Variants in CAMK1G observed in about 807,000 individuals in gnomAD.
CAMK1G encodes the protein calcium/calmodulin dependent protein kinase IG.
In CAMK1G, 27 loss-of-function variants were observed where a neutral mutation model predicts 54.8. That is an observed-to-expected ratio of 0.49 (90% CI 0.36 to 0.68). CAMK1G has a LOEUF of 0.68. CAMK1G is among the 30% of genes least tolerant of loss of function. The pLI is 0.00. For synonymous variants in CAMK1G, 238 were observed against 224.9 expected (o/e 1.06, Z -0.52); for missense variants, 512 against 591.0 (o/e 0.87, Z 1.39).
At chr1:209,603,777 G>A (rs906060690) in intron 4 of CAMK1G, among the ~76,000 whole-genome samples, 2 of 152,210 alleles carry the variant, frequency 1.3e-5, no homozygotes, top group Admixed American at 6.5e-5. Flanking sequence ...ATTACTGTAG[G>A]AGCAGAAGCC....
Position 209,609,051 on chromosome 1 carries a change from A to G in CAMK1G, c.707A>G (p.Tyr236Cys). Residue 236 changes from tyrosine (Y) to cysteine (C), a missense_variant, in exon 8 of 13, where the codon TAT (tyrosine) becomes TGT (cysteine). Coordinates refer to ENST00000361322, the MANE Select transcript of CAMK1G (RefSeq NM_020439.3). ...TTCGAGAAGATCAAGGAGGGCTACT[A>G]TGAGTTTGAGTCTCCATTCTGGGAT... ...KLFEKIKEGY[Y>C]EFESPFWDDI... 3 of 1,614,174 alleles carry G rather than the reference A, an allele frequency of 1.9e-6. No homozygotes were observed. Among genetic ancestry groups the G allele is most frequent in the Non-Finnish European group, 2.5e-6 (3 of 1,180,018 alleles).
intron 6 of CAMK1G, among the ~76,000 whole-genome samples, chr1:209,607,508 C>A (rs1461736380): frequency 1.3e-5 from 2 of 152,170 alleles, no homozygotes; most frequent in Non-Finnish European, 2.9e-5. Flanking sequence ...AGAGATCACA[C>A]TTGCCCTGGG....
chr1:209,585,463 AGC>A (rs1343631602), intron 1 of CAMK1G, among the ~76,000 whole-genome samples: 1 of 152,222 alleles, frequency 6.6e-6, no homozygotes, highest in Non-Finnish European at 1.5e-5. Flanking sequence ...CGAGAAGACT[AGC>A]GTTGGAATCC....
chr1:209,590,310 C>T (rs938844429), intron 1 of CAMK1G, among the ~76,000 whole-genome samples: 1 of 152,144 alleles, frequency 6.6e-6, no homozygotes, highest in Admixed American at 6.5e-5. Context: ...CAGACCTCCA[C>T]CACACAGGGC....
intron 3 of CAMK1G, among the ~76,000 whole-genome samples, chr1:209,600,621 A>G (rs1381698994): frequency 2.6e-5 from 4 of 152,248 alleles, no homozygotes; most frequent in Admixed American, 2.0e-4. Context: ...TCAGAACCAC[A>G]AGGATGAGGC....
rs775482310 is a variant in CAMK1G at position 209,612,215 on chromosome 1, C to G, written c.1339C>G (p.Gln447Glu). The change falls in exon 11 of 13, where the codon CAG (glutamine) becomes GAG (glutamate). Residue 447 changes from glutamine (Q) to glutamate (E), a missense_variant and splice_region_variant. Physicochemically the swap from Gln to Glu is conservative, Grantham distance 29. Coordinates refer to ENST00000361322, the MANE Select transcript of CAMK1G (RefSeq NM_020439.3). ...PTLLKKANKK[Q>E]NFKSEVMVPV... ...ACTCCTCAAAAAGGCCAACAAAAAA[C>G]AGTACGTATTTTTAGCCAAAGATGG... 6.2e-7 allele frequency: 1 copy of G among 1,612,476 alleles called. No individual in the cohort carries two copies. The highest frequency in any genetic ancestry group is 1.3e-5 in the African/African-American group (1 of 74,916).
intron 11 of CAMK1G, 85 bp downstream of exon 11, chr1:209,612,301 C>T: frequency 1.4e-6 from 2 of 1,426,572 alleles, no homozygotes; most frequent in East Asian, 2.4e-5. Context: ...GACACAAAGG[C>T]CTCTCCCACT....
chr1:209,603,082 G>C lies in CAMK1G; in HGVS notation c.222-132G>C, dbSNP rs1190349272. ...TTGTGACAGTCTACTTATTATGAAG[G>C]CTTCACAGAGACCTAGTCTTCCTAA... On this transcript the variant is annotated intron_variant, in intron 3 of 12. Transcript: ENST00000361322. The C allele has an allele frequency of 3.4e-5, 25 of 742,886 alleles. No individual in the cohort carries two copies. In the East Asian group the frequency reaches 5.8e-4, roughly 17 times the overall value. 46.0% of individuals were successfully genotyped at this position (742,886 alleles called of 1,614,324 possible).
At chr1:209,594,090 C>T (rs772136956) in intron 1 of CAMK1G, among the ~76,000 whole-genome samples, 24 of 152,156 alleles carry the variant, frequency 1.6e-4, no homozygotes, top group Non-Finnish European at 3.2e-4. Flanking sequence ...TGGCTCCTTC[C>T]CAAACTTTGG....
At position 209,603,232 on chromosome 1, in the gene CAMK1G, T is replaced by C; in HGVS notation, c.240T>C (p.Ile80=). 1 of 1,614,136 alleles carries C rather than the reference T, an allele frequency of 6.2e-7. No homozygotes were observed. The highest frequency in any genetic ancestry group is 2.2e-5 in the East Asian group (1 of 44,878). The change falls in exon 4 of 13, where the codon ATT becomes ATC. Residue 80 remains isoleucine, a synonymous_variant. Coordinates refer to ENST00000361322, the MANE Select transcript of CAMK1G (RefSeq NM_020439.3). ...TTCCCAGGATCAAGCATGAAAACATTGTGACCCTGGAGGACATCTATGAGA... is the reference window on the plus strand; with the variant it reads ...TTCCCAGGATCAAGCATGAAAACATCGTGACCCTGGAGGACATCTATGAGA... ...AVLKKIKHEN[I]VTLEDIYEST...
intron 1 of CAMK1G, among the ~76,000 whole-genome samples, chr1:209,591,340 G>A (rs773572707): frequency 3.3e-5 from 5 of 152,174 alleles, no homozygotes; most frequent in Non-Finnish European, 7.3e-5. Context: ...CAATCATGAA[G>A]GAGTTTCTCA....
At chr1:209,587,665 A>AT (rs1328854421) in intron 1 of CAMK1G, among the ~76,000 whole-genome samples, 2 of 152,060 alleles carry the variant, frequency 1.3e-5, no homozygotes, top group Admixed American at 6.5e-5. Context: ...AAACTCAGGG[A>AT]TGTATGGTGA....
intron 4 of CAMK1G, among the ~76,000 whole-genome samples, chr1:209,604,985 C>T (rs1369086145): frequency 3.3e-5 from 5 of 152,170 alleles, no homozygotes; most frequent in Non-Finnish European, 7.3e-5. Context: ...CAGACTTGAT[C>T]TTTAAGCTCC....
At chr1:209,585,440 T>C (rs1665072110) in intron 1 of CAMK1G, among the ~76,000 whole-genome samples, 1 of 152,236 alleles carries the variant, frequency 6.6e-6, no homozygotes, top group Non-Finnish European at 1.5e-5. Context: ...CAACAGGTTA[T>C]GTGGTACAGT....
chr1:209,603,634 C>T (rs530538128), intron 4 of CAMK1G, among the ~76,000 whole-genome samples: 6 of 152,258 alleles, frequency 3.9e-5, no homozygotes, highest in East Asian at 3.9e-4. Flanking sequence ...TGCAACCAAA[C>T]GACCGAAGGG....
chr1:209,586,643 G>A (rs1484091706), intron 1 of CAMK1G, among the ~76,000 whole-genome samples: 3 of 152,088 alleles, frequency 2.0e-5, no homozygotes, highest in Non-Finnish European at 4.4e-5. Context: ...CCACTGCATG[G>A]CACTTTAGAG....
At chr1:209,605,761 T>C (rs1397940826) in intron 5 of CAMK1G, 87 bp downstream of exon 5, 1 of 1,400,392 alleles carries the variant, frequency 7.1e-7, no homozygotes, top group African/African-American at 1.4e-5. Flanking sequence ...CTCCATAAAG[T>C]AAGAGGGTTG....
At chr1:209,593,440 A>G (rs1558135976) in intron 1 of CAMK1G, among the ~76,000 whole-genome samples, 1 of 152,176 alleles carries the variant, frequency 6.6e-6, no homozygotes, top group Non-Finnish European at 1.5e-5. Flanking sequence ...TCACTCCTGG[A>G]CACCTGGTAC....
rs532712031 is a variant in CAMK1G, at chr1:209,593,668, T to A, written c.-29-1287T>A. ...CCATATGACACATCGCCTAATACTG[T>A]AGATAACTGGACTCCCAGAATACAT... On this transcript the variant is annotated intron_variant, in intron 1 of 12. Coordinates refer to ENST00000361322, the MANE Select transcript of CAMK1G (RefSeq NM_020439.3). 2.0e-4 allele frequency among the ~76,000 whole-genome samples: 25 copies of A among 125,060 alleles called. 1 individual carries two copies. Among genetic ancestry groups the A allele is most frequent in the African/African-American group, 5.8e-4 (22 of 37,660 alleles). The allele number at this position is 125,060 out of a possible 152,430, so 82.0% of individuals were successfully genotyped here.
Sources: gnomAD v4.1 joint callset for allele counts (sites outside exome capture counted in the v4.1 genomes callset) on GRCh38, gnomAD v4.1.1 for gene constraint, MANE v1.5 for transcripts, NCBI Gene and HGNC (gene_info 2026-07-23, HGNC 2026-07-21) for gene names.